Variants in NRG1 observed in about 807,000 individuals in gnomAD.
NRG1 encodes neuregulin 1.
NRG1 carries 18 observed loss-of-function variants against 63.8 expected under a neutral mutation model. The observed-to-expected ratio is 0.28, with a 90% CI of 0.19 to 0.42. NRG1 has a LOEUF of 0.42. Among genes scored for constraint, NRG1 ranks in the 10% least tolerant of loss-of-function variants. The pLI is 1.00. For missense variants in NRG1, 762 were observed against 814.7 expected, an observed-to-expected ratio of 0.94 and a Z score of 0.79; for synonymous variants, 302 against 301.3, an observed-to-expected ratio of 1.00 and a Z score of -0.02.
At chr8:31,915,613 T>C (rs980548682) in intron 1 of NRG1, among the ~76,000 whole-genome samples, 2 of 152,166 alleles carry the variant, frequency 1.3e-5, no homozygotes, top group Non-Finnish European at 2.9e-5. Context: ...ACACCTGCGA[T>C]ATTGCAAGGT....
chr8:32,302,451 G>A (rs1586713706), intron 1 of NRG1, among the ~76,000 whole-genome samples: 1 of 152,214 alleles, frequency 6.6e-6, no homozygotes, highest in Non-Finnish European at 1.5e-5. Context: ...AACAGGTTAA[G>A]CTGTTCTGCC....
intron 1 of NRG1, among the ~76,000 whole-genome samples, chr8:32,415,359 C>G (rs1261261674): frequency 9.9e-6 from 1 of 100,688 alleles, no homozygotes; most frequent in Non-Finnish European, 1.9e-5. Context: ...GAGCAAGACT[C>G]TGTCTCAAAA....
At chr8:31,967,344 G>T (rs1025575128) in intron 1 of NRG1, among the ~76,000 whole-genome samples, 1 of 151,582 alleles carries the variant, frequency 6.6e-6, no homozygotes, top group South Asian at 2.1e-4. Context: ...TTTCTTGGAG[G>T]CATGGAAAGC....
chr8:31,662,180 A>C (rs766096501), intron 1 of NRG1, among the ~76,000 whole-genome samples: 4 of 152,234 alleles, frequency 2.6e-5, no homozygotes, highest in Non-Finnish European at 5.9e-5. Context: ...TAGTGGACAG[A>C]GACAGGTAAT....
At position 32,281,577 on chromosome 8, in the gene NRG1, T is replaced by A. The variant is rs188997385; in HGVS notation, c.38-314251T>A. 7.2e-5 allele frequency among the ~76,000 whole-genome samples: 11 copies of A among 152,268 alleles called. No individual in the cohort carries two copies. In the East Asian group the frequency reaches 2.1e-3, roughly 29 times the overall value. On this transcript the variant is annotated intron_variant, in intron 1 of 10. Coordinates refer to the NRG1 transcript ENST00000519301. The stretch of plus-strand genomic sequence containing the variant: ...CTTCTTTGTCCCCATGTGTACTTAG[T>A]GTTTAGCTCCCACTTATTAAGTGAG...
At chr8:31,998,899 C>T (rs1323469302) in intron 1 of NRG1, among the ~76,000 whole-genome samples, 1 of 151,932 alleles carries the variant, frequency 6.6e-6, no homozygotes, top group African/African-American at 2.4e-5. Context: ...CTGACTTTTA[C>T]TTTGCTTATT....
intron 1 of NRG1, among the ~76,000 whole-genome samples, chr8:32,215,882 A>G (rs1198689519): frequency 3.3e-5 from 5 of 152,180 alleles, no homozygotes; most frequent in Admixed American, 1.3e-4. Flanking sequence ...TTTCTACTAA[A>G]AATACAAAAA....
chr8:32,507,276 T>G (rs1429522377), intron 1 of NRG1, among the ~76,000 whole-genome samples: 1 of 152,138 alleles, frequency 6.6e-6, no homozygotes, highest in Non-Finnish European at 1.5e-5. Context: ...AGTGATAGGG[T>G]ACTTGTAAAA....
chr8:32,091,587 T>C (rs1829167084), intron 1 of NRG1, among the ~76,000 whole-genome samples: 1 of 152,178 alleles, frequency 6.6e-6, no homozygotes, highest in Non-Finnish European at 1.5e-5. Flanking sequence ...TTTCTCACAC[T>C]GCTGTACCAT....
At chr8:32,670,152 CCTT>C (rs1360071606) in intron 5 of NRG1, among the ~76,000 whole-genome samples, 7 of 152,116 alleles carry the variant, frequency 4.6e-5, no homozygotes, top group Non-Finnish European at 7.3e-5. Flanking sequence ...TCTTGAAACT[CCTT>C]CTCTTCTCCT....
intron 1 of NRG1, among the ~76,000 whole-genome samples, chr8:32,407,108 TCTC>T (rs1814095283): frequency 6.6e-6 from 1 of 151,558 alleles, no homozygotes; most frequent in South Asian, 2.1e-4. Context: ...TTAATTCCCT[TCTC>T]CTATTTCATA....
intron 1 of NRG1, among the ~76,000 whole-genome samples, chr8:32,295,748 G>A (rs891499563): frequency 4.6e-5 from 7 of 151,980 alleles, no homozygotes; most frequent in African/African-American, 1.4e-4. Context: ...AGGAGTTAGA[G>A]ACCAGCCTGG....
At chr8:32,580,790 A>T (rs1160164389) in intron 1 of NRG1, among the ~76,000 whole-genome samples, 3 of 152,190 alleles carry the variant, frequency 2.0e-5, no homozygotes, top group Non-Finnish European at 4.4e-5. Flanking sequence ...TTTAATAAAT[A>T]AGTGTTTTAG....
chr8:32,551,065 A>G (rs911499141), intron 1 of NRG1, among the ~76,000 whole-genome samples: 5 of 152,208 alleles, frequency 3.3e-5, no homozygotes, highest in Admixed American at 1.3e-4. Flanking sequence ...ATGCTTCAGA[A>G]TCAGTGTTTC....
intron 1 of NRG1, among the ~76,000 whole-genome samples, chr8:32,173,114 A>T (rs1840266517): frequency 6.6e-6 from 1 of 152,226 alleles, no homozygotes; most frequent in Non-Finnish European, 1.5e-5. Context: ...CCACAAAGGG[A>T]AGCCCATCAG....
At position 32,610,241 on chromosome 8, in the gene NRG1, A is replaced by G. The variant is rs990139775; in HGVS notation, c.401-4273A>G. Among the ~76,000 whole-genome samples, 60 of 152,180 alleles carry G rather than the reference A, an allele frequency of 3.9e-4. 1 individual carries two copies. The highest frequency in any genetic ancestry group is 5.9e-5 in the Non-Finnish European group (4 of 68,006). Reference sequence around the variant, plus strand: ...AATCTAATTATCCTAATTTTTTCCTATGCAGAGGATTCCTTGTGATTCACT... The same window carrying G: ...AATCTAATTATCCTAATTTTTTCCTGTGCAGAGGATTCCTTGTGATTCACT... On this transcript the variant is annotated intron_variant, in intron 3 of 11. Transcript: ENST00000356819.
chr8:31,974,182 T>C (rs1586187048), intron 1 of NRG1, among the ~76,000 whole-genome samples: 1 of 152,136 alleles, frequency 6.6e-6, no homozygotes, highest in African/African-American at 2.4e-5. Flanking sequence ...TCTTTTTTGT[T>C]TGAGACAGGG....
intron 1 of NRG1, among the ~76,000 whole-genome samples, chr8:32,479,781 C>T (rs930696898): frequency 6.6e-6 from 1 of 152,060 alleles, no homozygotes; most frequent in African/African-American, 2.4e-5. Context: ...TCCCGAGTAG[C>T]TGGGACTACA....
intron 1 of NRG1, among the ~76,000 whole-genome samples, chr8:32,260,392 T>A (rs1272543700): frequency 6.6e-6 from 1 of 152,202 alleles, no homozygotes; most frequent in Non-Finnish European, 1.5e-5. Flanking sequence ...TTAGAGCAAG[T>A]GCCAGGCTGT....
Sources: allele counts gnomAD v4.1 joint callset (sites outside exome capture counted in the v4.1 genomes callset), GRCh38; gene constraint gnomAD v4.1.1; transcripts MANE v1.5; gene names NCBI Gene and HGNC (gene_info 2026-07-23, HGNC 2026-07-21).